Variants in TFAM observed in about 807,000 individuals in gnomAD.
The protein encoded by TFAM is mitochondrial transcription factor 1.
In TFAM, 13 loss-of-function variants were observed where a neutral mutation model predicts 30.6. That is an observed-to-expected ratio of 0.42 (90% confidence interval 0.28 to 0.67). The LOEUF (loss-of-function observed/expected upper bound fraction) is 0.67, where lower values mean the gene tolerates loss of function less well. TFAM is among the 30% of genes least tolerant of loss of function. The pLI is 0.21. For missense variants in TFAM, 231 were observed against 293.7 expected (o/e 0.79, Z 1.56); for synonymous variants, 106 against 94.8 (o/e 1.12, Z -0.69).
In TFAM at chr10:58,388,245, T is replaced by C. The variant is rs1358641282; in HGVS notation, c.276T>C (p.Pro92=). ...RRIAQRWREL[P]DSKKKIYQDA... is the part of the protein sequence containing the mutation. Reference sequence around the variant, plus strand: ...TTGCCCAGCGTTGGAGGGAACTTCCTGATTCAAAGAAAAAAGTAAGCACAT... The same window carrying C: ...TTGCCCAGCGTTGGAGGGAACTTCCCGATTCAAAGAAAAAAGTAAGCACAT... Residue 92 remains proline, a synonymous_variant, in exon 3 of 7, where the codon CCT becomes CCC. Coordinates refer to ENST00000487519, the MANE Select transcript of TFAM (RefSeq NM_003201.3). 6.2e-7 allele frequency: 1 copy of C among 1,613,884 alleles called. No homozygotes were observed. The highest frequency in any genetic ancestry group is 1.3e-5 in the African/African-American group (1 of 74,934).
At chr10:58,387,460 T>G (rs1172784679) in intron 2 of TFAM, among the ~76,000 whole-genome samples, 1 of 152,214 alleles carries the variant, frequency 6.6e-6, no homozygotes, top group Non-Finnish European at 1.5e-5. Context: ...TTCGAATAGC[T>G]TGTTTCCAAA....
chr10:58,386,805 A>G (rs1489050457), intron 2 of TFAM: 2 of 596,878 alleles, frequency 3.4e-6, no homozygotes, highest in Non-Finnish European at 4.3e-6. Flanking sequence ...TTTTCATCAT[A>G]GGAGTTCAGA....
At chr10:58,392,502 T>G (rs889287488) in intron 5 of TFAM, among the ~76,000 whole-genome samples, 1 of 152,088 alleles carries the variant, frequency 6.6e-6, no homozygotes, top group Admixed American at 6.5e-5. Context: ...CTTTCCTTTT[T>G]TTTTGTTTTG....
At chr10:58,387,131 G>A (rs901017406) in intron 2 of TFAM, among the ~76,000 whole-genome samples, 2 of 152,084 alleles carry the variant, frequency 1.3e-5, no homozygotes, top group East Asian at 3.9e-4. Context: ...GCATGGGGGC[G>A]CAGTGCCTGT....
chr10:58,390,949 A>C, intron 5 of TFAM, 89 bp downstream of exon 5: 1 of 1,173,598 alleles, frequency 8.5e-7, no homozygotes, highest in African/African-American at 1.5e-5. Flanking sequence ...GAAGAAAAGT[A>C]GTGAATATCC....
intron 5 of TFAM, among the ~76,000 whole-genome samples, chr10:58,393,738 TA>T (rs1025837328): frequency 6.6e-6 from 1 of 151,860 alleles, no homozygotes; most frequent in Non-Finnish European, 1.5e-5. Context: ...AAAAGTTTTT[TA>T]AAAAAATTAA....
rs1384537584 is a variant in TFAM, at chr10:58,395,357, G to A, written c.*283G>A. 8 of 402,738 alleles carry A rather than the reference G, an allele frequency of 2.0e-5. No individual in the cohort carries two copies. Among genetic ancestry groups the A allele is most frequent in the Non-Finnish European group, 3.6e-5 (8 of 220,096 alleles). The allele number at this position is 402,738 out of a possible 1,614,324, so 24.9% of individuals were successfully genotyped here. On this transcript the variant is annotated 3_prime_UTR_variant, in exon 7 of 7. Transcript: ENST00000487519. ...CTTTGACAAAGGTAAATCAGACTAT[G>A]AAGTTTTTTTTATACAGGATGATGA...
rs758801225 is a variant in TFAM at position 58,394,955 on chromosome 10, G to A, written c.622G>A (p.Glu208Lys). The change falls in exon 7 of 7, where the codon GAA becomes AAA. Residue 208 changes from glutamate (E) to lysine (K), a missense_variant. By Grantham distance (56) the Glu-to-Lys change is moderately conservative. Coordinates refer to ENST00000487519, the MANE Select transcript of TFAM (RefSeq NM_003201.3). ...ATATATTCAGCATGCTAAAGAGGACGAAACTCGTTATCATAATGAAATGAA... is the reference window on the plus strand; with the variant it reads ...ATATATTCAGCATGCTAAAGAGGACAAAACTCGTTATCATAATGAAATGAA... ...ELYIQHAKEDETRYHNEMKSW... is the reference protein window; with the variant it reads ...ELYIQHAKEDKTRYHNEMKSW... The A allele has an allele frequency of 3.7e-6, 6 of 1,613,460 alleles. No individual in the cohort carries two copies. Among genetic ancestry groups the A allele is most frequent in the South Asian group, 1.1e-5 (1 of 91,028 alleles).
rs202134455 is a variant in TFAM, at chr10:58,394,396, G to A, written c.576G>A (p.Leu192=). The A allele has an allele frequency of 2.5e-6, 4 of 1,613,538 alleles. No homozygotes were observed. Among genetic ancestry groups the A allele is most frequent in the Non-Finnish European group, 3.4e-6 (4 of 1,179,700 alleles). Residue 192 remains leucine, a synonymous_variant, in exon 6 of 7, where the codon CTG becomes CTA. Transcript: ENST00000487519. ...CTGTAAAGGAAAACTGGAAAAATCT[G>A]TCTGACTCTGAAAAGGAAGTGAGTA... ...LKTVKENWKN[L]SDSEKELYIQ...
rs138971800 is a variant in TFAM, at chr10:58,385,457, C to G, written c.-91C>G. ...CATGATAACACACGCCGGAGGGTCG[C>G]ACGCGGGTTCCAGTTGTGATTGCTG... On this transcript the variant is annotated 5_prime_UTR_variant, in exon 1 of 7. Coordinates refer to ENST00000487519, the MANE Select transcript of TFAM (RefSeq NM_003201.3). 5 of 968,536 alleles carry G rather than the reference C, an allele frequency of 5.2e-6. No homozygotes were observed. The highest frequency in any genetic ancestry group is 8.0e-6 in the Non-Finnish European group (5 of 621,334). 60.0% of individuals were successfully genotyped at this position (968,536 alleles called of 1,614,324 possible). A position where few individuals can be genotyped will look rare whatever the true frequency, so the allele number is the denominator to read the frequency against.
At position 58,396,171 on chromosome 10, in the gene TFAM, T is replaced by A. The variant is rs1212260782; in HGVS notation, c.*1097T>A. On this transcript the variant is annotated 3_prime_UTR_variant, in exon 7 of 7. Coordinates refer to ENST00000487519, the MANE Select transcript of TFAM (RefSeq NM_003201.3). ...CATTCTTTTACTTGTCTATGGCTGC[T>A]TTTCTGTGGCAGAGTAGCTGCCACA... 3 of 152,228 alleles carry A rather than the reference T, an allele frequency of 2.0e-5. No individual in the cohort carries two copies. The highest frequency in any genetic ancestry group is 3.8e-4 in the East Asian group (2 of 5,202). 9.4% of individuals were successfully genotyped at this position (152,228 alleles called of 1,614,324 possible). A position where few individuals can be genotyped will look rare whatever the true frequency, so the allele number is the denominator to read the frequency against.
intron 2 of TFAM, among the ~76,000 whole-genome samples, chr10:58,387,652 T>A (rs1357636307): frequency 6.6e-6 from 1 of 152,052 alleles, no homozygotes; most frequent in African/African-American, 2.4e-5. Flanking sequence ...GTAATCAGCC[T>A]GGTGTGGTGG....
intron 5 of TFAM, among the ~76,000 whole-genome samples, chr10:58,392,486 A>C (rs1266080602): frequency 5.4e-5 from 8 of 148,518 alleles, no homozygotes; most frequent in Non-Finnish European, 1.2e-4. Flanking sequence ...GTTTTCCTTT[A>C]GTCTTCTTTC....
chr10:58,390,650 A>C lies in TFAM; in HGVS notation c.442-115A>C, dbSNP rs1045579387. 3 of 823,400 alleles carry C rather than the reference A, an allele frequency of 3.6e-6. No homozygotes were observed. The Admixed American group carries it at 6.3e-5, about 17-fold the overall frequency. 51.0% of individuals were successfully genotyped at this position (823,400 alleles called of 1,614,324 possible). On this transcript the variant is annotated intron_variant, in intron 4 of 6. Coordinates refer to ENST00000487519, the MANE Select transcript of TFAM (RefSeq NM_003201.3). ...ATAATCACACTATATAAGAATCATA[A>C]CATTCACTTTAAGGAATAATCTGTA... is the stretch of plus-strand genomic sequence containing the variant.
chr10:58,389,455 C>T (rs1326450526), intron 4 of TFAM, among the ~76,000 whole-genome samples: 1 of 152,054 alleles, frequency 6.6e-6, no homozygotes, highest in African/African-American at 2.4e-5. Flanking sequence ...GTTTGCTAGT[C>T]GTGTACCTAC....
chr10:58,387,935 C>CA lies in TFAM; in HGVS notation c.221-240dup, dbSNP rs200286777. Among the ~76,000 whole-genome samples the CA allele has an allele frequency of 3.5e-3, 426 of 120,596 alleles. 3 individuals are homozygous for CA. Among genetic ancestry groups the CA allele is most frequent in the South Asian group, 0.029 (111 of 3,878 alleles). 79.1% of individuals were successfully genotyped at this position (120,596 alleles called of 152,430 possible). A position where few individuals can be genotyped will look rare whatever the true frequency, so the allele number is the denominator to read the frequency against. ...ATGGCCTGGGTGACGGACCCTGTCT[C>CA]AAAAAAAAAAAAAAATCCTAGTAAT... On this transcript the variant is annotated intron_variant, in intron 2 of 6. Transcript: ENST00000487519.
rs1326188593 is a variant in TFAM at position 58,397,181 on chromosome 10, C to T, written c.*2107C>T. 6.6e-6 allele frequency: 1 copy of T among 151,868 alleles called. No homozygotes were observed. Among genetic ancestry groups the T allele is most frequent in the Non-Finnish European group, 1.5e-5 (1 of 68,034 alleles). 9.4% of individuals were successfully genotyped at this position (151,868 alleles called of 1,614,324 possible). On this transcript the variant is annotated 3_prime_UTR_variant, in exon 7 of 7. Coordinates refer to ENST00000487519, the MANE Select transcript of TFAM (RefSeq NM_003201.3). ...GTTCTCTTCAGATGAGCTCAGAGAG[C>T]ACATAGGAGTGTTTGTAATGAGGGG...
At chr10:58,392,788 C>T (rs139816923) in intron 5 of TFAM, among the ~76,000 whole-genome samples, 43 of 151,990 alleles carry the variant, frequency 2.8e-4, no homozygotes, top group Middle Eastern at 3.4e-3. Context: ...AATTTTCCCA[C>T]CTCAACCTCT....
chr10:58,394,171 G>A (rs1385935119), intron 5 of TFAM, among the ~76,000 whole-genome samples, 187 bp from the exon 6 acceptor site: 1 of 152,158 alleles, frequency 6.6e-6, no homozygotes, highest in Non-Finnish European at 1.5e-5. Flanking sequence ...TCAAAAATAT[G>A]TACCTTCATT....
Sources: allele counts gnomAD v4.1 joint callset (sites outside exome capture counted in the v4.1 genomes callset), GRCh38; gene constraint gnomAD v4.1.1; transcripts MANE v1.5; gene names NCBI Gene and HGNC (gene_info 2026-07-23, HGNC 2026-07-21).